Variants in PAK3 observed in about 807,000 individuals in gnomAD.
PAK3 encodes the protein p21 (RAC1) activated kinase 3.
A neutral mutation model predicts 41.0 loss-of-function variants in PAK3; 4 were observed. The ratio of observed to expected loss-of-function variants is 0.10; its 90% CI spans 0.05 to 0.22. PAK3 has a LOEUF of 0.22. Among genes scored for constraint, PAK3 ranks in the 10% least tolerant of loss-of-function variants. The pLI is 1.00. For synonymous variants in PAK3, 146 were observed against 139.6 expected (o/e 1.05, Z -0.32); for missense variants, 205 against 409.9 (o/e 0.50, Z 4.32).
chrX:111,170,493 G>T (rs1313847879), intron 10 of PAK3, among the ~76,000 whole-genome samples: 1 of 111,229 alleles, frequency 9.0e-6, no homozygotes, highest in Non-Finnish European at 1.9e-5. Context: ...ATAGACTGTT[G>T]TGTAAATTAG....
chrX:111,003,666 T>C (rs927566262), intron 1 of PAK3, among the ~76,000 whole-genome samples: 3 of 111,722 alleles, frequency 2.7e-5, no homozygotes, highest in African/African-American at 9.8e-5. Flanking sequence ...CCAGGAGGAA[T>C]ACATTTTAGC....
intron 1 of PAK3, among the ~76,000 whole-genome samples, chrX:110,957,228 T>G (rs1429224847): frequency 8.9e-6 from 1 of 112,580 alleles, no homozygotes; most frequent in East Asian, 2.8e-4. Flanking sequence ...AGCATTTGCA[T>G]GTATTATCTC....
intron 8 of PAK3, among the ~76,000 whole-genome samples, chrX:111,154,312 A>C (rs1484079697): frequency 9.0e-6 from 1 of 111,508 alleles, no homozygotes; most frequent in East Asian, 2.8e-4. Context: ...ATTTTGCTAC[A>C]ATTAAAAATA....
rs757781230 is a variant in PAK3, at chrX:111,220,408, T to A, written c.1596T>A (p.Ile532=). 12 of 1,205,069 alleles carry A rather than the reference T, an allele frequency of 1.0e-5. No individual in the cohort carries two copies. The highest frequency in any genetic ancestry group is 1.2e-5 in the Non-Finnish European group (11 of 889,910). ...AKPLSSLTPL[I]IAAKEAIKNS... is the part of the protein sequence containing the mutation. Reference sequence around the variant, plus strand: ...CTCTCTCCAGCCTGACTCCTCTGATTATCGCTGCAAAGGAAGCAATTAAGA... The same window carrying A: ...CTCTCTCCAGCCTGACTCCTCTGATAATCGCTGCAAAGGAAGCAATTAAGA... The change falls in exon 18 of 18, where the codon ATT becomes ATA. Residue 532 remains isoleucine (I), a synonymous_variant. Coordinates refer to ENST00000372007, the MANE Select transcript of PAK3 (RefSeq NM_002578.5).
At chrX:110,962,334 A>G (rs1331314292) in intron 1 of PAK3, among the ~76,000 whole-genome samples, 3 of 111,221 alleles carry the variant, frequency 2.7e-5, no homozygotes, top group Non-Finnish European at 5.7e-5. Context: ...ACAATTACCA[A>G]TCCTCCCAAG....
At chrX:111,077,996 A>C (rs2092801818) in intron 1 of PAK3, among the ~76,000 whole-genome samples, 1 of 112,052 alleles carries the variant, frequency 8.9e-6, no homozygotes, top group Non-Finnish European at 1.9e-5. Flanking sequence ...TGGAAAAAGG[A>C]CCTGAATTGA....
chrX:111,187,499 C>T (rs1176788032), intron 11 of PAK3, among the ~76,000 whole-genome samples: 1 of 111,520 alleles, frequency 9.0e-6, no homozygotes, highest in East Asian at 2.8e-4. Flanking sequence ...CAACTAGGAA[C>T]TAGTAGTACT....
intron 5 of PAK3, among the ~76,000 whole-genome samples, chrX:111,137,740 T>C (rs186169366): frequency 9.0e-6 from 1 of 111,527 alleles, no homozygotes; most frequent in South Asian, 3.8e-4. Flanking sequence ...GAACTCCCAA[T>C]AGATCTCAAG....
chrX:110,945,295 T>C (rs746976418), intron 1 of PAK3, among the ~76,000 whole-genome samples: 2 of 111,591 alleles, frequency 1.8e-5, no homozygotes, highest in Non-Finnish European at 3.8e-5. Context: ...TTACATGTCC[T>C]TGGGTCTCAT....
intron 1 of PAK3, among the ~76,000 whole-genome samples, chrX:110,990,167 C>A (rs2091617521): frequency 9.0e-6 from 1 of 111,597 alleles, no homozygotes; most frequent in South Asian, 3.8e-4. Context: ...CCTGAGACAA[C>A]TTATTTAGCC....
chrX:111,032,107 A>G (rs1396846064), intron 1 of PAK3, among the ~76,000 whole-genome samples: 1 of 112,063 alleles, frequency 8.9e-6, no homozygotes, highest in African/African-American at 3.2e-5. Flanking sequence ...ACATTTAAAG[A>G]CACTGTTTTG....
chrX:110,991,115 G>A (rs1438649164), intron 1 of PAK3, among the ~76,000 whole-genome samples: 2 of 88,413 alleles, frequency 2.3e-5, no homozygotes, highest in Non-Finnish European at 4.5e-5. Flanking sequence ...CTGGATGGCA[G>A]AGCCAGACCC....
intron 11 of PAK3, among the ~76,000 whole-genome samples, chrX:111,175,677 A>G (rs766818186): frequency 1.7e-4 from 19 of 111,824 alleles, no homozygotes; most frequent in South Asian, 3.7e-4. Flanking sequence ...TTTAAAAGGA[A>G]AAAGTACAAG....
intron 5 of PAK3, among the ~76,000 whole-genome samples, chrX:111,140,602 C>A (rs759086179): frequency 9.0e-6 from 1 of 111,627 alleles, no homozygotes; most frequent in Non-Finnish European, 1.9e-5. Context: ...AAAGTAGGCT[C>A]ACTGTAAAAA....
intron 1 of PAK3, among the ~76,000 whole-genome samples, chrX:111,064,984 G>A (rs935036372): frequency 8.9e-6 from 1 of 112,082 alleles, no homozygotes; most frequent in Non-Finnish European, 1.9e-5. Context: ...ATTCATGAAG[G>A]TATAGCATTG....
At chrX:110,967,428 CT>C (rs2091104515) in intron 1 of PAK3, among the ~76,000 whole-genome samples, 1 of 111,222 alleles carries the variant, frequency 9.0e-6, no homozygotes, top group Non-Finnish European at 1.9e-5. Context: ...AAAGGCATAA[CT>C]AGGGGCCACA....
chrX:110,998,317 A>C (rs1009211931), intron 1 of PAK3, among the ~76,000 whole-genome samples: 12 of 112,045 alleles, frequency 1.1e-4, no homozygotes, highest in Non-Finnish European at 2.1e-4. Flanking sequence ...GAAGAAAACC[A>C]ATAGAATGTG....
chrX:111,043,096 C>T (rs1487135551), intron 1 of PAK3, among the ~76,000 whole-genome samples: 1 of 110,365 alleles, frequency 9.1e-6, no homozygotes, highest in Non-Finnish European at 1.9e-5. Flanking sequence ...TCGAGACTAG[C>T]CTGGGCAACA....
At chrX:111,031,592 T>C (rs2092341160) in intron 1 of PAK3, among the ~76,000 whole-genome samples, 1 of 111,665 alleles carries the variant, frequency 9.0e-6, no homozygotes, top group Non-Finnish European at 1.9e-5. Context: ...TTGTTGTTTC[T>C]TTTTGCCTCC....
Sources: allele counts gnomAD v4.1 joint callset (sites outside exome capture counted in the v4.1 genomes callset), GRCh38; gene constraint gnomAD v4.1.1; transcripts MANE v1.5; gene names NCBI Gene and HGNC (gene_info 2026-07-23, HGNC 2026-07-21).